Variants in ZNF91 observed in about 807,000 individuals in gnomAD.
ZNF91 encodes zinc finger protein 91 (HPF7, HTF10).
In ZNF91, 7 loss-of-function variants were observed where a neutral mutation model predicts 12.6. The ratio of observed to expected loss-of-function variants is 0.55; its 90% CI spans 0.31 to 1.04. The LOEUF (loss-of-function observed/expected upper bound fraction) is 1.04, where lower values mean the gene tolerates loss of function less well. Among genes scored for constraint, ZNF91 ranks in the 50% least tolerant of loss-of-function variants. ZNF91 has a pLI of 0.05. For synonymous variants in ZNF91, 453 were observed against 462.6 expected (o/e 0.98, Z 0.27); for missense variants, 1,217 against 1,385.4 (o/e 0.88, Z 1.93).
At chr19:23,341,381 T>G (rs1226479675) in intron 3 of ZNF91, among the ~76,000 whole-genome samples, 1 of 152,180 alleles carries the variant, frequency 6.6e-6, no homozygotes, top group Non-Finnish European at 1.5e-5. Context: ...ATCTCATCAT[T>G]GGGTATCTAC....
chr19:23,354,484 G>A (rs903342297), downstream of ZNF91, among the ~76,000 whole-genome samples: 1 of 152,054 alleles, frequency 6.6e-6, no homozygotes, highest in African/African-American at 2.4e-5. Flanking sequence ...ATAAATAAAA[G>A]CTATCTATGA....
rs537043970 is a variant in ZNF91 at position 23,384,884 on chromosome 19, T to C, written c.31-10120A>G. 2.1e-3 allele frequency: 1,591 copies of C among 758,830 alleles called. 35 individuals are homozygous for C. The highest frequency in any genetic ancestry group is 0.021 in the South Asian group (1,514 of 73,330). 47.0% of individuals were successfully genotyped at this position (758,830 alleles called of 1,614,324 possible). On this transcript the variant is annotated intron_variant, in intron 1 of 3. Coordinates refer to ENST00000300619, the MANE Select transcript of ZNF91 (RefSeq NM_003430.4). The stretch of plus-strand genomic sequence containing the variant: ...ATCACTGGAGGGTCCCAAGCTCTCA[T>C]GTTGCTCTTATTGTCACCGGTGAAC...
downstream of ZNF91, among the ~76,000 whole-genome samples, chr19:23,336,059 G>A (rs2145876124): frequency 6.6e-6 from 1 of 152,282 alleles, no homozygotes; most frequent in East Asian, 1.9e-4. Context: ...ACAATTTGAT[G>A]TCATATTTGT....
intron 3 of ZNF91, chr19:23,342,212 GCT>G (rs1349760243): frequency 3.6e-6 from 2 of 558,006 alleles, no homozygotes. Context: ...ACATTCCAGG[GCT>G]CTTTTATTTG....
upstream of ZNF91, among the ~76,000 whole-genome samples, chr19:23,314,683 T>G (rs1967523724): frequency 6.6e-6 from 1 of 152,108 alleles, no homozygotes; most frequent in South Asian, 2.1e-4. Context: ...AAGGCATGTT[T>G]ACATATTTTT....
chr19:23,331,531 TGA>T (rs1483864192), intron 1 of ZNF91, among the ~76,000 whole-genome samples: 1 of 152,222 alleles, frequency 6.6e-6, no homozygotes, highest in African/African-American at 2.4e-5. Flanking sequence ...TGCCTCAGAA[TGA>T]GAGTGTGTGT....
chr19:23,374,558 T>C (rs148137967), intron 2 of ZNF91, 80 bp downstream of exon 2: 9 of 1,002,546 alleles, frequency 9.0e-6, no homozygotes, highest in Non-Finnish European at 1.1e-5. Flanking sequence ...AGACTCTGTC[T>C]CAAAAAAAAA....
downstream of ZNF91, among the ~76,000 whole-genome samples, chr19:23,333,956 G>A (rs548928982): frequency 5.0e-4 from 76 of 152,136 alleles, no homozygotes; most frequent in South Asian, 0.012. Flanking sequence ...ACCAGGCTGC[G>A]GAACTATAAA....
intron 3 of ZNF91, among the ~76,000 whole-genome samples, chr19:23,344,296 G>A (rs159396): frequency 0.1 from 15,734 of 151,902 alleles, 1,257 homozygotes; most frequent in East Asian, 0.37. Flanking sequence ...AGGTTTCACC[G>A]TGTTAGCCAG....
In ZNF91 at chr19:23,360,481, T is replaced by G. The variant is rs367634795; in HGVS notation, c.2498A>C (p.Lys833Thr). 189 of 1,613,794 alleles carry G rather than the reference T, an allele frequency of 1.2e-4. No individual in the cohort carries two copies. Among genetic ancestry groups the G allele is most frequent in the Non-Finnish European group, 1.5e-4 (181 of 1,179,972 alleles). Residue 833 changes from lysine to threonine, a missense_variant, in exon 4 of 4, where the codon AAA (lysine) becomes ACA (threonine). This residue lies in a region of ZNF91 where 491 missense variants were observed against 489.8 expected (regional missense o/e 1.00). Transcript: ENST00000300619. ...EKPYKCKECG[K>T]AFKHSSALAK... ...AAGGGCTGAGGAGTGCTTAAAAGCT[T>G]TGCCACATTCTTTACATTTGTAGGG...
At chr19:23,308,643 A>G (rs1050329173) in intron 2 of ZNF91, 9 of 152,118 alleles carry the variant, frequency 5.9e-5, no homozygotes, top group African/African-American at 1.9e-4. Flanking sequence ...CCCAGCATCT[A>G]TGTGCTTTGA....
At chr19:23,305,093 T>C (rs1408813989) in exon 4 of ZNF91, 3 of 152,176 alleles carry the variant, frequency 2.0e-5, no homozygotes, top group African/African-American at 4.8e-5. Context: ...ACTTCTTGAA[T>C]TGGGGTAGAA....
At chr19:23,382,049 C>CAAAA (rs60814223) in intron 1 of ZNF91, among the ~76,000 whole-genome samples, 1 of 79,396 alleles carries the variant, frequency 1.3e-5, no homozygotes, top group Non-Finnish European at 2.7e-5. Context: ...AATCCTGAGA[C>CAAAA]AAAAAAAAAA....
At position 23,362,333 on chromosome 19, in the gene ZNF91, C is replaced by T; in HGVS notation, c.646G>A (p.Glu216Lys). ...TEKSCKCKEC[E>K]KTFHWSSTLT... The stretch of plus-strand genomic sequence containing the variant: ...GTTGAGGACCAATGAAAGGTTTTTT[C>T]ACATTCTTTACATTTACAGGACTTC... Residue 216 changes from glutamate (E) to lysine (K), a missense_variant, in exon 4 of 4, where the codon GAA becomes AAA. Around this residue, in one of 2 missense-constraint regions of ZNF91, gnomAD observed 726 missense variants for 895.5 expected, o/e 0.81. Transcript: ENST00000300619. 6.2e-7 allele frequency: 1 copy of T among 1,613,222 alleles called. No homozygotes were observed. Among genetic ancestry groups the T allele is most frequent in the Non-Finnish European group, 8.5e-7 (1 of 1,179,724 alleles).
intron 1 of ZNF91, chr19:23,326,227 A>ATCT (rs1289415601): frequency 6.6e-6 from 1 of 152,172 alleles, no homozygotes; most frequent in African/African-American, 2.4e-5. Context: ...GCTGTAATTT[A>ATCT]TCTGTTAACA....
At chr19:23,332,850 G>C (rs1467834390) in intron 1 of ZNF91, among the ~76,000 whole-genome samples, 1 of 152,150 alleles carries the variant, frequency 6.6e-6, no homozygotes, top group Non-Finnish European at 1.5e-5. Context: ...AAAGAGGGGA[G>C]GTTCAACAAG....
At chr19:23,390,435 C>G (rs943124624) in intron 1 of ZNF91, among the ~76,000 whole-genome samples, 1 of 152,172 alleles carries the variant, frequency 6.6e-6, no homozygotes, top group Non-Finnish European at 1.5e-5. Flanking sequence ...ATAAAATTCT[C>G]TATCTTTTGT....
intron 1 of ZNF91, chr19:23,327,333 C>A (rs577425953): frequency 1.3e-5 from 2 of 151,966 alleles, no homozygotes; most frequent in Non-Finnish European, 2.9e-5. Flanking sequence ...TACTAAAAAT[C>A]AAAAATTTAA....
At chr19:23,367,592 A>C (rs1398831427) in intron 3 of ZNF91, among the ~76,000 whole-genome samples, 1 of 152,182 alleles carries the variant, frequency 6.6e-6, no homozygotes, top group Admixed American at 6.5e-5. Flanking sequence ...ACTATAGCCA[A>C]ACACCCATGG....
Sources: gnomAD v4.1 joint callset for allele counts (sites outside exome capture counted in the v4.1 genomes callset) on GRCh38, gnomAD v4.1.1 for gene constraint, gnomAD v4.1.1 regional missense constraint, MANE v1.5 for transcripts, NCBI Gene and HGNC (gene_info 2026-07-23, HGNC 2026-07-21) for gene names.